Variants in RANBP2 observed in about 807,000 individuals in gnomAD.
RANBP2 encodes the protein E3 SUMO-protein ligase RanBP2.
In RANBP2, 57 loss-of-function variants were observed where a neutral mutation model predicts 303.6. The observed-to-expected ratio is 0.19, with a 90% CI of 0.15 to 0.23. RANBP2 has a LOEUF of 0.23. Among genes scored for constraint, RANBP2 ranks in the 10% least tolerant of loss-of-function variants. The probability of loss-of-function intolerance (pLI) is 1.00; values close to 1 mark genes in which losing one functional copy is unlikely to be tolerated. For missense variants in RANBP2, 3,138 were observed against 3,780.8 expected, an observed-to-expected ratio of 0.83 and a Z score of 4.46; for synonymous variants, 1,167 against 1,301.5, an observed-to-expected ratio of 0.90 and a Z score of 2.23.
At chr2:108,960,739 T>C in the RANBP2 span, among the ~76,000 whole-genome samples, 1 of 152,244 alleles carries the variant, frequency 6.6e-6, no homozygotes, top group Non-Finnish European at 1.5e-5. Flanking sequence ...TTTTGATATA[T>C]TTCCTTTTAC....
At chr2:109,386,316 T>TG in the RANBP2 span, among the ~76,000 whole-genome samples, 1 of 152,106 alleles carries the variant, frequency 6.6e-6, no homozygotes, top group South Asian at 2.1e-4. Flanking sequence ...TGACATTGTG[T>TG]GGCTTCTGCA....
chr2:109,559,947 G>T, the RANBP2 span, among the ~76,000 whole-genome samples: 2 of 147,106 alleles, frequency 1.4e-5, no homozygotes, highest in Non-Finnish European at 3.0e-5. Context: ...TTAAGATGGG[G>T]TCTCGCTCTG....
the RANBP2 span, among the ~76,000 whole-genome samples, chr2:109,610,485 C>A: frequency 6.6e-6 from 1 of 152,088 alleles, no homozygotes; most frequent in Non-Finnish European, 1.5e-5. Flanking sequence ...GAGACTGAGA[C>A]GGGTGGATCA....
chr2:109,437,066 C>G, the RANBP2 span: 2 of 1,613,714 alleles, frequency 1.2e-6, no homozygotes, highest in Non-Finnish European at 1.7e-6. Context: ...CAGCACCCCA[C>G]AGCCTCGCCC....
chr2:108,721,505 A>G (rs1694243308), intron 1 of RANBP2, among the ~76,000 whole-genome samples: 1 of 152,096 alleles, frequency 6.6e-6, no homozygotes, highest in African/African-American at 2.4e-5. Flanking sequence ...CAGTGGCGCT[A>G]TCTCGACTCA....
chr2:109,670,470 G>A, the RANBP2 span, among the ~76,000 whole-genome samples: 1 of 151,954 alleles, frequency 6.6e-6, no homozygotes, highest in African/African-American at 2.4e-5. Context: ...GCCCGAGGCA[G>A]ATGTTGGGCT....
the RANBP2 span, among the ~76,000 whole-genome samples, chr2:109,318,854 G>A: frequency 6.6e-6 from 1 of 152,238 alleles, no homozygotes; most frequent in African/African-American, 2.4e-5. Context: ...AAGAAAGAGG[G>A]ATGAACTTCT....
At chr2:109,078,098 A>G in the RANBP2 span, among the ~76,000 whole-genome samples, 1 of 60,068 alleles carries the variant, frequency 1.7e-5, no homozygotes, top group Non-Finnish European at 3.0e-5. Context: ...ATATATATAT[A>G]TATATATATA....
the RANBP2 span, among the ~76,000 whole-genome samples, chr2:109,300,381 C>T: frequency 0.35 from 53,474 of 151,818 alleles, 9,530 homozygotes; most frequent in South Asian, 0.43. Context: ...GGTTTCACCA[C>T]GTTGGTCAGG....
chr2:109,492,857 G>C, the RANBP2 span, among the ~76,000 whole-genome samples: 1 of 152,084 alleles, frequency 6.6e-6, no homozygotes, highest in East Asian at 1.9e-4. Context: ...TCCAGGGGCT[G>C]CACCATTGTT....
the RANBP2 span, among the ~76,000 whole-genome samples, chr2:108,807,078 C>G: frequency 2.6e-5 from 4 of 151,894 alleles, no homozygotes; most frequent in Non-Finnish European, 5.9e-5. Flanking sequence ...TCATTCTATA[C>G]AAAATTAATA....
chr2:109,088,889 G>T, the RANBP2 span, among the ~76,000 whole-genome samples: 1 of 152,176 alleles, frequency 6.6e-6, no homozygotes, highest in Non-Finnish European at 1.5e-5. Context: ...TCTATGCCAG[G>T]TTCCAAGAGG....
chr2:108,992,553 T>A, the RANBP2 span, among the ~76,000 whole-genome samples: 1 of 152,176 alleles, frequency 6.6e-6, no homozygotes, highest in Non-Finnish European at 1.5e-5. Context: ...GGCCCTGACA[T>A]ATAATTGGTT....
chr2:108,757,140 G>A (rs1250822057), intron 17 of RANBP2, among the ~76,000 whole-genome samples: 1 of 152,156 alleles, frequency 6.6e-6, no homozygotes, highest in Non-Finnish European at 1.5e-5. Flanking sequence ...ATACAGAGAA[G>A]TTTGAAACTT....
chr2:109,276,157 G>C, the RANBP2 span, among the ~76,000 whole-genome samples: 1 of 152,186 alleles, frequency 6.6e-6, no homozygotes, highest in Admixed American at 6.5e-5. Context: ...TTCGAGTTAG[G>C]AGCAGGCATT....
chr2:109,011,712 C>T, the RANBP2 span, among the ~76,000 whole-genome samples: 4 of 152,164 alleles, frequency 2.6e-5, no homozygotes, highest in African/African-American at 9.7e-5. Context: ...TAGTCTTTTT[C>T]CCTCCTCTAC....
the RANBP2 span, among the ~76,000 whole-genome samples, chr2:109,495,415 CT>C: frequency 6.8e-6 from 1 of 146,732 alleles, no homozygotes; most frequent in Non-Finnish European, 1.5e-5. Context: ...CGTAGAGAGG[CT>C]TTGAGTAGAC....
At chr2:109,181,597 T>C in the RANBP2 span, among the ~76,000 whole-genome samples, 7 of 152,218 alleles carry the variant, frequency 4.6e-5, no homozygotes, top group Admixed American at 4.6e-4. Context: ...TTAAAAGTTA[T>C]GTTTTTACCT....
chr2:109,032,983 A>G, the RANBP2 span, among the ~76,000 whole-genome samples: 1 of 152,214 alleles, frequency 6.6e-6, no homozygotes, highest in Non-Finnish European at 1.5e-5. Flanking sequence ...GCAGGGTGAA[A>G]TATAAGTCCT....
Sources: gnomAD v4.1 joint callset for allele counts (sites outside exome capture counted in the v4.1 genomes callset) on GRCh38, gnomAD v4.1.1 for gene constraint, MANE v1.5 for transcripts, NCBI Gene and HGNC (gene_info 2026-07-23, HGNC 2026-07-21) for gene names.